The following PXDNL variants were observed in gnomAD, a reference collection of about 807,000 sequenced individuals.
The protein encoded by PXDNL is probable oxidoreductase PXDNL.
A neutral mutation model predicts 150.8 loss-of-function variants in PXDNL; 145 were observed. The ratio of observed to expected loss-of-function variants is 0.96; its 90% CI spans 0.84 to 1.10. PXDNL has a LOEUF of 1.10. Among genes scored for constraint, PXDNL ranks in the 50% least tolerant of loss-of-function variants. PXDNL has a pLI of 0.00. For missense variants in PXDNL, 2,087 were observed against 1,873.9 expected, an observed-to-expected ratio of 1.11 and a Z score of -2.10; for synonymous variants, 757 against 725.7, an observed-to-expected ratio of 1.04 and a Z score of -0.69.
chr8:51,756,072 T>C (rs2037096730), intron 1 of PXDNL, among the ~76,000 whole-genome samples: 1 of 152,144 alleles, frequency 6.6e-6, no homozygotes, highest in Admixed American at 6.5e-5. Flanking sequence ...GTATCACATG[T>C]ATTATAAATT....
intron 19 of PXDNL, among the ~76,000 whole-genome samples, chr8:51,370,531 G>A (rs1253777168): frequency 6.6e-6 from 1 of 152,160 alleles, no homozygotes; most frequent in African/African-American, 2.4e-5. Context: ...GGGAAAGAAT[G>A]CCACCCTCCC....
At chr8:51,575,637 C>T (rs1813035694) in intron 3 of PXDNL, among the ~76,000 whole-genome samples, 1 of 151,976 alleles carries the variant, frequency 6.6e-6, no homozygotes, top group Admixed American at 6.6e-5. Context: ...ATTGGTCGAA[C>T]CTGGAAGGTG....
At chr8:51,691,109 T>G (rs1295675700) in intron 1 of PXDNL, among the ~76,000 whole-genome samples, 1 of 152,166 alleles carries the variant, frequency 6.6e-6, no homozygotes, top group Non-Finnish European at 1.5e-5. Flanking sequence ...TTTTCTCCCA[T>G]TTTTTAGGTT....
At chr8:51,662,632 G>A (rs1253833556) in intron 1 of PXDNL, among the ~76,000 whole-genome samples, 3 of 152,192 alleles carry the variant, frequency 2.0e-5, no homozygotes, top group Non-Finnish European at 4.4e-5. Context: ...GCAATCTAGA[G>A]ATTATTGAAA....
intron 17 of PXDNL, among the ~76,000 whole-genome samples, chr8:51,393,253 G>A (rs1041265712): frequency 7.2e-5 from 11 of 152,152 alleles, no homozygotes; most frequent in Non-Finnish European, 1.3e-4. Context: ...ACTCAGATGT[G>A]TGCATAGACT....
At chr8:51,766,726 G>T (rs2037235436) in intron 1 of PXDNL, among the ~76,000 whole-genome samples, 1 of 149,962 alleles carries the variant, frequency 6.7e-6, no homozygotes, top group Admixed American at 6.7e-5. Context: ...TACTTTATTT[G>T]TGATGCATCT....
At chr8:51,417,225 C>G (rs1257573922) in intron 14 of PXDNL, among the ~76,000 whole-genome samples, 1 of 152,052 alleles carries the variant, frequency 6.6e-6, no homozygotes, top group Non-Finnish European at 1.5e-5. Flanking sequence ...AGTAGAGGGA[C>G]AACTAGATCA....
At chr8:51,431,961 T>C (rs576199797) in intron 12 of PXDNL, among the ~76,000 whole-genome samples, 1 of 152,238 alleles carries the variant, frequency 6.6e-6, no homozygotes, top group Non-Finnish European at 1.5e-5. Flanking sequence ...GCAAATATCT[T>C]CTATTTCTGA....
chr8:51,743,908 A>AAAGGAAGGAAGGGAGGAAGGAAGG (rs2036933858), intron 1 of PXDNL, among the ~76,000 whole-genome samples: 1 of 66,866 alleles, frequency 1.5e-5, no homozygotes. Flanking sequence ...GCTGAGAGAG[A>AAAGGAAGGAAGGGAGGAAGGAAGG]AAGGAAGGAA....
At chr8:51,386,834 AAAAG>A (rs1371198626) in intron 17 of PXDNL, among the ~76,000 whole-genome samples, 91 of 152,114 alleles carry the variant, frequency 6.0e-4, no homozygotes, top group African/African-American at 1.6e-3. Context: ...GAAAAAAAAA[AAAAG>A]AAAGAGTCTT....
At chr8:51,652,169 T>C (rs1012972781) in intron 2 of PXDNL, among the ~76,000 whole-genome samples, 1 of 152,204 alleles carries the variant, frequency 6.6e-6, no homozygotes, top group African/African-American at 2.4e-5. Flanking sequence ...TTTGTGATGC[T>C]GTGTTCATAT....
chr8:51,379,101 T>C, intron 17 of PXDNL, among the ~76,000 whole-genome samples: 1 of 152,168 alleles, frequency 6.6e-6, no homozygotes, highest in Non-Finnish European at 1.5e-5. Flanking sequence ...CCATGGAGAT[T>C]TTTTTAATTA....
chr8:51,520,470 C>A (rs1033410234), intron 4 of PXDNL, among the ~76,000 whole-genome samples: 3 of 152,030 alleles, frequency 2.0e-5, no homozygotes, highest in African/African-American at 7.3e-5. Context: ...AGAGCCACAC[C>A]CTGGAGACAT....
At chr8:51,483,523 A>G (rs933206012) in intron 6 of PXDNL, 120 bp downstream of exon 6, 23 of 696,320 alleles carry the variant, frequency 3.3e-5, no homozygotes, top group South Asian at 5.0e-5. Context: ...TCTCCCTAAC[A>G]TGCTAGAATT....
intron 17 of PXDNL, among the ~76,000 whole-genome samples, chr8:51,388,344 T>C (rs1242667883): frequency 6.6e-6 from 1 of 152,176 alleles, no homozygotes; most frequent in African/African-American, 2.4e-5. Context: ...TTTGGGAATA[T>C]ATTAATCAGT....
chr8:51,628,134 G>C (rs1244899188), intron 2 of PXDNL, among the ~76,000 whole-genome samples: 1 of 152,118 alleles, frequency 6.6e-6, no homozygotes, highest in Non-Finnish European at 1.5e-5. Flanking sequence ...AATTTAGAAA[G>C]CCACAAGCAT....
At chr8:51,374,576 G>A in intron 18 of PXDNL, 21 bp downstream of exon 18, 1 of 1,613,090 alleles carries the variant, frequency 6.2e-7, no homozygotes, top group Non-Finnish European at 8.5e-7. Flanking sequence ...TATTTAATAA[G>A]TATAACAGAT....
intron 19 of PXDNL, among the ~76,000 whole-genome samples, chr8:51,350,448 C>T (rs149093801): frequency 0.034 from 5,031 of 149,812 alleles, 131 homozygotes; most frequent in Non-Finnish European, 0.052. Context: ...CAACCTCCGC[C>T]TCCCAGGTTC....
At chr8:51,770,896 C>G (rs902390073) in intron 1 of PXDNL, among the ~76,000 whole-genome samples, 11 of 152,288 alleles carry the variant, frequency 7.2e-5, no homozygotes, top group African/African-American at 2.6e-4. Context: ...ATAAACATCT[C>G]TCCAACAGTG....
Sources: allele counts gnomAD v4.1 joint callset (sites outside exome capture counted in the v4.1 genomes callset), GRCh38; gene constraint gnomAD v4.1.1; transcripts MANE v1.5; gene names NCBI Gene and HGNC (gene_info 2026-07-23, HGNC 2026-07-21).